Variants in COL27A1 observed in about 807,000 individuals in gnomAD.
The protein encoded by COL27A1 is collagen type XXVII alpha 1 chain.
In COL27A1, 106 loss-of-function variants were observed where a neutral mutation model predicts 251.3. That is an observed-to-expected ratio of 0.42 (90% CI 0.36 to 0.50). The LOEUF is 0.50. Among genes scored for constraint, COL27A1 ranks in the 20% least tolerant of loss-of-function variants. COL27A1 has a pLI of 0.00. For synonymous variants in COL27A1, 1,000 were observed against 986.3 expected, an observed-to-expected ratio of 1.01 and a Z score of -0.26; for missense variants, 2,325 against 2,522.8, an observed-to-expected ratio of 0.92 and a Z score of 1.68.
At chr9:114,277,012 C>G (rs186105668) in intron 37 of COL27A1, among the ~76,000 whole-genome samples, 88 of 152,322 alleles carry the variant, frequency 5.8e-4, no homozygotes, top group Middle Eastern at 6.8e-3. Context: ...TGAACTTAGG[C>G]CTGCATGACT....
rs752893883 is a variant in COL27A1, at chr9:114,252,622, C to A, written c.3063C>A (p.Gly1021=). ...ATCGTGGCATGATGGGACCCCCAGGCGTGCCTGGACCCAAGGGGTCGATGG... is the reference window on the plus strand; with the variant it reads ...ATCGTGGCATGATGGGACCCCCAGGAGTGCCTGGACCCAAGGGGTCGATGG... ...KGDRGMMGPP[G]VPGPKGSMGH... is the part of the protein sequence containing the mutation. Residue 1021 remains glycine (G), a synonymous_variant, in exon 26 of 61, where the codon GGC becomes GGA. Coordinates refer to ENST00000356083, the MANE Select transcript of COL27A1 (RefSeq NM_032888.4). The A allele has an allele frequency of 3.4e-5, 55 of 1,613,946 alleles. No individual in the cohort carries two copies. In the Admixed American group the frequency reaches 8.8e-4, roughly 26 times the overall value.
intron 56 of COL27A1, 61 bp from the exon 57 acceptor site, chr9:114,304,547 C>T (rs759839853): frequency 1.3e-6 from 2 of 1,534,530 alleles, no homozygotes; most frequent in African/African-American, 1.4e-5. Context: ...GGGGCTCCCA[C>T]TTGATGGGTG....
At chr9:114,253,311 G>A (rs1833678692) in intron 27 of COL27A1, among the ~76,000 whole-genome samples, 1 of 148,498 alleles carries the variant, frequency 6.7e-6, no homozygotes, top group Admixed American at 6.8e-5. Flanking sequence ...AAGAAAGAAA[G>A]AAAGAAAGAG....
intron 12 of COL27A1, among the ~76,000 whole-genome samples, chr9:114,219,566 C>A (rs987769058): frequency 3.3e-5 from 5 of 152,268 alleles, no homozygotes; most frequent in African/African-American, 9.6e-5. Flanking sequence ...GTATCATTTT[C>A]TTTTCAGAGA....
At chr9:114,244,261 G>A (rs1231864190) in intron 23 of COL27A1, among the ~76,000 whole-genome samples, 1 of 152,182 alleles carries the variant, frequency 6.6e-6, no homozygotes, top group African/African-American at 2.4e-5. Context: ...ACAGAGCAGA[G>A]GCTAGAAAGT....
chr9:114,258,773 A>G (rs1417418603), intron 28 of COL27A1, among the ~76,000 whole-genome samples, 179 bp downstream of exon 28: 2 of 152,094 alleles, frequency 1.3e-5, no homozygotes, highest in Non-Finnish European at 2.9e-5. Context: ...GTGGGACCCC[A>G]CCCCTCTTTC....
At chr9:114,197,182 T>G (rs1588637190) in intron 7 of COL27A1, among the ~76,000 whole-genome samples, 1 of 152,182 alleles carries the variant, frequency 6.6e-6, no homozygotes. Flanking sequence ...CTTAAGCTTC[T>G]GCCCTGGCTC....
rs758589651 is a variant in COL27A1 at position 114,155,931 on chromosome 9, G to A, written c.-20G>A. The A allele has an allele frequency of 5.6e-6, 7 of 1,246,728 alleles. No individual in the cohort carries two copies. Among genetic ancestry groups the A allele is most frequent in the Non-Finnish European group, 7.1e-6 (7 of 992,068 alleles). 77.2% of individuals were successfully genotyped at this position (1,246,728 alleles called of 1,614,324 possible). ...CCACACTTGCCCCCCGGGCTCGGGA[G>A]CATGAAGTAGGGGCCTGCCATGGGA... On this transcript the variant is annotated 5_prime_UTR_variant, in exon 1 of 61. Transcript: ENST00000356083. The surrounding 1 kb of genome is among the most constrained non-coding windows in gnomAD (Gnocchi z 5.5).
intron 41 of COL27A1, among the ~76,000 whole-genome samples, chr9:114,287,378 T>C (rs935736228): frequency 3.3e-5 from 5 of 152,150 alleles, no homozygotes; most frequent in African/African-American, 1.2e-4. Context: ...GCCCTGAGAT[T>C]CTGCCATTTG....
At chr9:114,295,738 A>C (rs1828219553) in intron 49 of COL27A1, among the ~76,000 whole-genome samples, 1 of 150,848 alleles carries the variant, frequency 6.6e-6, no homozygotes, top group Non-Finnish European at 1.5e-5. Context: ...GCTCACCGCA[A>C]CCTCCGCCTC....
At chr9:114,200,754 G>A (rs556174051) in intron 7 of COL27A1, among the ~76,000 whole-genome samples, 1 of 152,350 alleles carries the variant, frequency 6.6e-6, no homozygotes, top group South Asian at 2.1e-4. Flanking sequence ...CTCTACTCTA[G>A]GCATGTGTTT....
intron 14 of COL27A1, 141 bp downstream of exon 14, chr9:114,222,408 GC>G: frequency 4.6e-6 from 2 of 433,244 alleles, no homozygotes; most frequent in Non-Finnish European, 7.1e-6. Flanking sequence ...GGGCTGGGGG[GC>G]CAGGAGAGAC....
chr9:114,211,163 G>A (rs1588670060), intron 12 of COL27A1, 137 bp downstream of exon 12: 2 of 911,378 alleles, frequency 2.2e-6, no homozygotes, highest in East Asian at 5.0e-5. Flanking sequence ...ATGTGGGGTT[G>A]TCTGGCCACA....
At chr9:114,188,070 A>G (rs1828508752) in intron 5 of COL27A1, among the ~76,000 whole-genome samples, 1 of 152,222 alleles carries the variant, frequency 6.6e-6, no homozygotes, top group South Asian at 2.1e-4. Context: ...CTGGTGGTAG[A>G]AGAAAACAGC....
At position 114,270,797 on chromosome 9, in the gene COL27A1, G is replaced by C; in HGVS notation, c.3609+16G>C. 6.2e-7 allele frequency: 1 copy of C among 1,608,188 alleles called. No individual in the cohort carries two copies. Among genetic ancestry groups the C allele is most frequent in the South Asian group, 1.1e-5 (1 of 90,708 alleles). On this transcript the variant is annotated intron_variant, in intron 36 of 60. Coordinates refer to ENST00000356083, the MANE Select transcript of COL27A1 (RefSeq NM_032888.4). The stretch of plus-strand genomic sequence containing the variant: ...TGGGCTGAAGGTAAGTGCCCTTTTA[G>C]GGCAGGGCCTGGGGACCCCGGCAGG...
At chr9:114,264,203 C>T (rs1834557953) in intron 28 of COL27A1, 152 bp from the exon 29 acceptor site, 1 of 563,298 alleles carries the variant, frequency 1.8e-6, no homozygotes, top group Non-Finnish European at 3.0e-6. Flanking sequence ...AGGGTGACCA[C>T]CTCAGTGGGG....
intron 49 of COL27A1, among the ~76,000 whole-genome samples, chr9:114,299,300 T>G (rs957397518): frequency 7.2e-5 from 11 of 152,208 alleles, no homozygotes; most frequent in Non-Finnish European, 1.2e-4. Context: ...GCTAGGAGAT[T>G]CTAATACATG....
chr9:114,209,471 T>C (rs1830198688), intron 10 of COL27A1: 3 of 777,252 alleles, frequency 3.9e-6, no homozygotes, highest in Non-Finnish European at 7.2e-6. Context: ...GACTACATCG[T>C]GGAAGCCAGC....
At chr9:114,243,951 G>C (rs1832942061) in intron 23 of COL27A1, among the ~76,000 whole-genome samples, 1 of 146,542 alleles carries the variant, frequency 6.8e-6, no homozygotes, top group Admixed American at 6.8e-5. Context: ...TTTTGAGATG[G>C]AGTCTCCCTC....
Sources: gnomAD v4.1 joint callset for allele counts (sites outside exome capture counted in the v4.1 genomes callset) on GRCh38, gnomAD v4.1.1 for gene constraint, Gnocchi (gnomAD v3.1) non-coding constraint, MANE v1.5 for transcripts, NCBI Gene and HGNC (gene_info 2026-07-23, HGNC 2026-07-21) for gene names.